Variants in STPG2 observed in about 807,000 individuals in gnomAD.
STPG2 encodes sperm tail PG-rich repeat containing 2.
Under a neutral mutation model 54.2 loss-of-function variants are expected in STPG2, and 56 were observed. That is an observed-to-expected ratio of 1.03 (90% CI 0.83 to 1.29). The LOEUF is 1.29. STPG2 is among the 50% of genes most tolerant of loss of function. The pLI, the probability that STPG2 is intolerant of heterozygous loss-of-function variation, is 0.00. For missense variants in STPG2, 596 were observed against 544.9 expected, an observed-to-expected ratio of 1.09 and a Z score of -0.93; for synonymous variants, 200 against 181.8, an observed-to-expected ratio of 1.10 and a Z score of -0.81.
chr4:98,096,518 T>C (rs907554993), intron 5 of STPG2, among the ~76,000 whole-genome samples: 1 of 151,714 alleles, frequency 6.6e-6, no homozygotes, highest in African/African-American at 2.4e-5. Context: ...CACCAAAAAG[T>C]AGAAAAATTT....
intron 5 of STPG2, among the ~76,000 whole-genome samples, chr4:97,997,550 C>T (rs895631858): frequency 1.3e-5 from 2 of 152,162 alleles, no homozygotes; most frequent in Non-Finnish European, 2.9e-5. Context: ...CACCTCCCAC[C>T]AAGTCCCACT....
intron 3 of STPG2, among the ~76,000 whole-genome samples, chr4:98,117,545 C>T (rs1739556853): frequency 6.6e-6 from 1 of 151,886 alleles, no homozygotes; most frequent in African/African-American, 2.4e-5. Context: ...CTGGGATTCC[C>T]ATTATGTGTA....
At chr4:97,942,947 T>C (rs1733046896) in intron 8 of STPG2, among the ~76,000 whole-genome samples, 1 of 152,192 alleles carries the variant, frequency 6.6e-6, no homozygotes, top group African/African-American at 2.4e-5. Context: ...ACTGTAACAT[T>C]TGTCTTTCTC....
intron 10 of STPG2, among the ~76,000 whole-genome samples, chr4:97,617,479 A>G (rs1733905738): frequency 6.6e-6 from 1 of 152,324 alleles, no homozygotes; most frequent in Non-Finnish European, 1.5e-5. Flanking sequence ...GAACTTTCCC[A>G]CTTTTCTGGA....
intron 9 of STPG2, among the ~76,000 whole-genome samples, chr4:97,838,833 G>T (rs904934351): frequency 6.6e-6 from 1 of 151,538 alleles, no homozygotes; most frequent in Non-Finnish European, 1.5e-5. Context: ...CATGGTATCA[G>T]ATAATAGCTT....
At chr4:98,072,673 T>C (rs1003981192) in intron 5 of STPG2, among the ~76,000 whole-genome samples, 3 of 152,190 alleles carry the variant, frequency 2.0e-5, no homozygotes, top group African/African-American at 7.2e-5. Context: ...TCCCCAACTG[T>C]GTGTGCAGAC....
In STPG2 at chr4:98,107,938, A is replaced by G. The variant is rs980188902; in HGVS notation, c.500+1255T>C. On this transcript the variant is annotated intron_variant, in intron 4 of 10. Transcript: ENST00000295268. ...TGGAATAATAATAATAATATTAAGT[A>G]AAGACTTAATTAAGCTAAATATGCA... 6.6e-5 allele frequency among the ~76,000 whole-genome samples: 10 copies of G among 152,140 alleles called. No individual in the cohort carries two copies. In the South Asian group the frequency reaches 1.9e-3, roughly 28 times the overall value.
chr4:97,566,123 A>T, intron 10 of STPG2, among the ~76,000 whole-genome samples: 1 of 152,096 alleles, frequency 6.6e-6, no homozygotes, highest in East Asian at 1.9e-4. Flanking sequence ...TGTTTACCTA[A>T]GCAAGCCTGG....
At chr4:97,847,963 G>A (rs1201180479) in intron 8 of STPG2, among the ~76,000 whole-genome samples, 3 of 152,162 alleles carry the variant, frequency 2.0e-5, no homozygotes, top group Non-Finnish European at 4.4e-5. Flanking sequence ...TTACGTGGCA[G>A]TTGTACTAAC....
intron 10 of STPG2, among the ~76,000 whole-genome samples, chr4:97,562,874 G>A (rs1366595752): frequency 6.6e-6 from 1 of 152,116 alleles, no homozygotes; most frequent in Non-Finnish European, 1.5e-5. Context: ...TTGCATCAAT[G>A]TTCATCAAGG....
intron 5 of STPG2, among the ~76,000 whole-genome samples, chr4:97,998,279 G>A (rs1482654115): frequency 6.6e-6 from 1 of 152,014 alleles, no homozygotes; most frequent in Non-Finnish European, 1.5e-5. Context: ...TTCCACATTT[G>A]CACTCTCAGA....
intron 3 of STPG2, among the ~76,000 whole-genome samples, chr4:98,123,313 A>C (rs1739738257): frequency 6.6e-6 from 1 of 151,972 alleles, no homozygotes; most frequent in Non-Finnish European, 1.5e-5. Context: ...CTAGCTTTTT[A>C]ATGTGGGCAT....
chr4:97,467,723 AAC>A (rs1332246793), intron 4 of STPG2, among the ~76,000 whole-genome samples: 1 of 151,996 alleles, frequency 6.6e-6, no homozygotes, highest in Non-Finnish European at 1.5e-5. Context: ...GATAAACGCA[AAC>A]ACAGAGTAGG....
intron 9 of STPG2, among the ~76,000 whole-genome samples, chr4:97,821,792 G>A (rs964380451): frequency 1.3e-5 from 2 of 152,230 alleles, no homozygotes; most frequent in African/African-American, 4.8e-5. Context: ...CCTATGAGCT[G>A]AGGCTTGGTC....
chr4:97,875,184 C>T (rs1324781907), intron 8 of STPG2, among the ~76,000 whole-genome samples: 2 of 151,880 alleles, frequency 1.3e-5, no homozygotes, highest in Admixed American at 6.6e-5. Flanking sequence ...TGGATATTTG[C>T]TTTCATTTCC....
At chr4:97,842,231 C>T (rs1728823482) in intron 8 of STPG2, among the ~76,000 whole-genome samples, 1 of 151,798 alleles carries the variant, frequency 6.6e-6, no homozygotes, top group African/African-American at 2.4e-5. Context: ...GTTTGAGTCC[C>T]ATGTTAAACA....
At chr4:98,009,365 C>T (rs34790496) in intron 5 of STPG2, among the ~76,000 whole-genome samples, 58,942 of 151,386 alleles carry the variant, frequency 0.39, 11,630 homozygotes, top group Middle Eastern at 0.46. Context: ...GTGTGTCATT[C>T]AATTTTCATA....
At chr4:98,006,702 C>A (rs991020191) in intron 5 of STPG2, among the ~76,000 whole-genome samples, 2 of 152,148 alleles carry the variant, frequency 1.3e-5, no homozygotes, top group Non-Finnish European at 2.9e-5. Context: ...CTGACAAGCT[C>A]TGATTTTACC....
chr4:97,472,368 G>A (rs1252242454), intron 4 of STPG2, among the ~76,000 whole-genome samples: 1 of 152,170 alleles, frequency 6.6e-6, no homozygotes, highest in Non-Finnish European at 1.5e-5. Context: ...TCACCTCCAG[G>A]AGCTTGCCTT....
Sources: gnomAD v4.1 joint callset for allele counts (sites outside exome capture counted in the v4.1 genomes callset) on GRCh38, gnomAD v4.1.1 for gene constraint, MANE v1.5 for transcripts, NCBI Gene and HGNC (gene_info 2026-07-23, HGNC 2026-07-21) for gene names.